GALNTL6: variants seen among roughly 807,000 people sequenced by gnomAD.
GALNTL6 encodes polypeptide N-acetylgalactosaminyltransferase like 6.
Under a neutral mutation model 73.7 loss-of-function variants are expected in GALNTL6, and 46 were observed. The observed-to-expected ratio is 0.62, with a 90% CI of 0.49 to 0.80. The LOEUF is 0.80. Ranked by LOEUF, GALNTL6 falls within the 30% of genes least tolerant of loss-of-function variation. GALNTL6 has a pLI of 0.00. For missense variants in GALNTL6, 604 were observed against 755.0 expected, an observed-to-expected ratio of 0.80 and a Z score of 2.34; for synonymous variants, 259 against 263.7, an observed-to-expected ratio of 0.98 and a Z score of 0.17.
chr4:172,438,335 A>G (rs1262429246), intron 5 of GALNTL6, among the ~76,000 whole-genome samples: 5 of 151,934 alleles, frequency 3.3e-5, no homozygotes, highest in Non-Finnish European at 7.4e-5. Context: ...CAAACCTCAT[A>G]TAACCTCACT....
rs201091028 is a variant in GALNTL6, at chr4:172,487,296, T to TTCTG, written c.553+138611_553+138614dup. 6.1e-5 allele frequency among the ~76,000 whole-genome samples: 5 copies of TTCTG among 82,168 alleles called. No homozygotes were observed. The East Asian group carries it at 1.6e-3, about 27-fold the overall frequency. The allele number at this position is 82,168 out of a possible 152,430, so 53.9% of individuals were successfully genotyped here. A position where few individuals can be genotyped will look rare whatever the true frequency, so the allele number is the denominator to read the frequency against. ...CCTCTTTCTTTCTTTCCTTCTTTCC[T>TTCTG]TCTGTCTTTCTTTCTTTCTTTCTTT... On this transcript the variant is annotated intron_variant, in intron 5 of 12. Transcript: ENST00000506823.
intron 9 of GALNTL6, among the ~76,000 whole-genome samples, chr4:172,947,548 C>A (rs1478522985): frequency 6.6e-6 from 1 of 151,570 alleles, no homozygotes; most frequent in East Asian, 1.9e-4. Flanking sequence ...GATCTCCCGG[C>A]ATTCATGCTT....
chr4:172,426,622 A>G (rs1731240115), intron 5 of GALNTL6, among the ~76,000 whole-genome samples: 2 of 152,158 alleles, frequency 1.3e-5, no homozygotes, highest in African/African-American at 2.4e-5. Flanking sequence ...TGCAAACAGA[A>G]ATAAACAAGT....
intron 5 of GALNTL6, chr4:172,669,356 A>G (rs967029977): frequency 1.3e-5 from 2 of 152,220 alleles, no homozygotes; most frequent in African/African-American, 4.8e-5. Context: ...AGAATTGCCA[A>G]AAATAATCTA....
chr4:172,337,154 G>T (rs2111193091), intron 4 of GALNTL6, among the ~76,000 whole-genome samples: 1 of 152,014 alleles, frequency 6.6e-6, no homozygotes, highest in East Asian at 1.9e-4. Flanking sequence ...TTAAGCTTAT[G>T]GGTATCCTTA....
intron 2 of GALNTL6, among the ~76,000 whole-genome samples, chr4:172,121,175 C>T (rs1733139382): frequency 6.6e-6 from 1 of 151,648 alleles, no homozygotes; most frequent in Non-Finnish European, 1.5e-5. Context: ...GATAATTATA[C>T]TTGGCGACAA....
At chr4:172,364,318 G>A (rs1346623999) in intron 5 of GALNTL6, among the ~76,000 whole-genome samples, 1 of 152,118 alleles carries the variant, frequency 6.6e-6, no homozygotes, top group African/African-American at 2.4e-5. Context: ...TTACTCTGGA[G>A]GCTGTGGGAG....
chr4:172,540,471 TA>T (rs1735511901), intron 5 of GALNTL6, among the ~76,000 whole-genome samples: 10 of 151,940 alleles, frequency 6.6e-5, no homozygotes, highest in Admixed American at 5.9e-4. Flanking sequence ...AATAAATAAA[TA>T]AAAAATATTG....
At chr4:172,100,209 T>C (rs1306318273) in intron 2 of GALNTL6, among the ~76,000 whole-genome samples, 8 of 152,176 alleles carry the variant, frequency 5.3e-5, no homozygotes, top group Admixed American at 6.5e-5. Flanking sequence ...TTCTACTTTA[T>C]CACAAACATT....
At chr4:172,959,173 C>T (rs868060630) in intron 10 of GALNTL6, among the ~76,000 whole-genome samples, 14 of 151,902 alleles carry the variant, frequency 9.2e-5, no homozygotes, top group Admixed American at 5.2e-4. Context: ...GGTGCATGAT[C>T]GGTCACTGAG....
intron 5 of GALNTL6, among the ~76,000 whole-genome samples, chr4:172,361,075 G>T (rs918087029): frequency 1.3e-5 from 2 of 152,006 alleles, no homozygotes; most frequent in East Asian, 3.9e-4. Flanking sequence ...TGTGAAAAAG[G>T]GTACAGCAAA....
chr4:172,591,257 C>A (rs1220651415), intron 5 of GALNTL6, among the ~76,000 whole-genome samples: 1 of 152,032 alleles, frequency 6.6e-6, no homozygotes, highest in Non-Finnish European at 1.5e-5. Context: ...AATGACAGAC[C>A]ATTCTATAAA....
chr4:172,942,288 G>A (rs887376223), intron 9 of GALNTL6, among the ~76,000 whole-genome samples: 2 of 152,134 alleles, frequency 1.3e-5, no homozygotes, highest in Admixed American at 1.3e-4. Flanking sequence ...GAAAGTCTGG[G>A]AAATAAAACA....
intron 5 of GALNTL6, among the ~76,000 whole-genome samples, chr4:172,400,532 C>T (rs747840466): frequency 3.3e-5 from 5 of 151,914 alleles, no homozygotes; most frequent in Non-Finnish European, 7.4e-5. Context: ...GTAAAAGCCA[C>T]GGGAGACTCT....
rs201920170 is a variant in GALNTL6, at chr4:172,264,555, AATATATATATATATATATATAT to A, written c.247+34808_247+34829del. Among the ~76,000 whole-genome samples, 193 of 103,758 alleles carry A rather than the reference AATATATATATATATATATATAT, an allele frequency of 1.9e-3. 5 individuals carry two copies. The highest frequency in any genetic ancestry group is 2.0e-3 in the East Asian group (7 of 3,454). 68.1% of individuals were successfully genotyped at this position (103,758 alleles called of 152,430 possible). A position where few individuals can be genotyped will look rare whatever the true frequency, so the allele number is the denominator to read the frequency against. Reference sequence around the variant, plus strand: ...AATAAGGTTGGCATAATATATGCCAAATATATATATATATATATATATATATATATATATATATTTGGCATAT... The same window carrying A: ...AATAAGGTTGGCATAATATATGCCAAATATATATATATATATTTGGCATAT... On this transcript the variant is annotated intron_variant, in intron 3 of 12. Transcript: ENST00000506823.
At chr4:172,656,808 G>A (rs192139940) in intron 5 of GALNTL6, among the ~76,000 whole-genome samples, 23 of 152,182 alleles carry the variant, frequency 1.5e-4, no homozygotes, top group African/African-American at 5.6e-4. Context: ...TTGAAAACTA[G>A]AGCAGACGTG....
chr4:171,980,261 A>G (rs189033448), intron 2 of GALNTL6, among the ~76,000 whole-genome samples: 1 of 152,334 alleles, frequency 6.6e-6, no homozygotes, highest in East Asian at 1.9e-4. Flanking sequence ...AACTGGTAGA[A>G]TAACTAGTAG....
chr4:172,250,232 T>C (rs1163369023), intron 3 of GALNTL6, among the ~76,000 whole-genome samples: 1 of 152,064 alleles, frequency 6.6e-6, no homozygotes, highest in Non-Finnish European at 1.5e-5. Flanking sequence ...TTTTGGCCAA[T>C]TTCTCCCATT....
At chr4:172,308,165 ATGAATTTTTAC>A (rs72508091) in intron 3 of GALNTL6, among the ~76,000 whole-genome samples, 58,453 of 149,928 alleles carry the variant, frequency 0.39, 12,183 homozygotes, top group African/African-American at 0.53. Flanking sequence ...TTACCAGTAA[ATGAATTTTTAC>A]TGTTTACTGG....
Sources: allele counts gnomAD v4.1 joint callset (sites outside exome capture counted in the v4.1 genomes callset), GRCh38; gene constraint gnomAD v4.1.1; transcripts MANE v1.5; gene names NCBI Gene and HGNC (gene_info 2026-07-23, HGNC 2026-07-21).